The following F8 variants were observed in gnomAD, a reference collection of about 807,000 sequenced individuals.
F8 encodes the protein coagulation factor VIII.
A neutral mutation model predicts 140.6 loss-of-function variants in F8; 12 were observed. That is an observed-to-expected ratio of 0.09 (90% confidence interval 0.05 to 0.14). The LOEUF (loss-of-function observed/expected upper bound fraction) is 0.14, where lower values mean the gene tolerates loss of function less well. Ranked by LOEUF, F8 falls within the 10% of genes least tolerant of loss-of-function variation. The pLI is 1.00. For synonymous variants in F8, 585 were observed against 614.6 expected, an observed-to-expected ratio of 0.95 and a Z score of 0.71; for missense variants, 1,354 against 1,720.7, an observed-to-expected ratio of 0.79 and a Z score of 3.77.
At chrX:154,859,073 G>A (rs2072669996) in intron 25 of F8, among the ~76,000 whole-genome samples, 1 of 111,605 alleles carries the variant, frequency 9.0e-6, no homozygotes, top group Admixed American at 9.5e-5. Flanking sequence ...CCCCAAGTAA[G>A]AAAGTATTCT....
intron 13 of F8, among the ~76,000 whole-genome samples, chrX:154,934,907 T>C (rs1305151311): frequency 9.0e-6 from 1 of 111,707 alleles, no homozygotes; most frequent in Non-Finnish European, 1.9e-5. Flanking sequence ...CTCATACTGG[T>C]AATCCCAGCA....
chrX:154,976,010 C>T (rs1368352099), intron 6 of F8, among the ~76,000 whole-genome samples: 1 of 111,473 alleles, frequency 9.0e-6, no homozygotes, highest in Non-Finnish European at 1.9e-5. Context: ...ATTCTCCTGC[C>T]TCAGCCTCCC....
At chrX:154,946,992 G>A (rs1166195050) in intron 13 of F8, among the ~76,000 whole-genome samples, 1 of 110,588 alleles carries the variant, frequency 9.0e-6, no homozygotes, top group Non-Finnish European at 1.9e-5. Context: ...TTGGGAGGCC[G>A]AGGCGGGTGG....
At chrX:155,012,784 A>G (rs189703236) in intron 1 of F8, among the ~76,000 whole-genome samples, 3 of 111,025 alleles carry the variant, frequency 2.7e-5, no homozygotes, top group African/African-American at 6.5e-5. Context: ...ACATTTAAAA[A>G]AGAAATGATA....
chrX:154,911,411 G>A (rs868923664), intron 14 of F8, among the ~76,000 whole-genome samples: 34 of 107,956 alleles, frequency 3.1e-4, no homozygotes, highest in Admixed American at 5.0e-4. Context: ...CTCTATCTCC[G>A]TGAGATCCAC....
intron 12 of F8, among the ~76,000 whole-genome samples, chrX:154,952,566 C>T (rs1196162060): frequency 2.1e-5 from 2 of 95,465 alleles, no homozygotes; most frequent in Non-Finnish European, 4.1e-5. Flanking sequence ...TTTTTTGAAA[C>T]GGAGTCTCAC....
At chrX:154,874,351 T>C (rs186755637) in intron 22 of F8, among the ~76,000 whole-genome samples, 250 of 112,664 alleles carry the variant, frequency 2.2e-3, no homozygotes, top group Admixed American at 3.3e-3. Flanking sequence ...TATGACAGAA[T>C]ACCACAGACT....
At chrX:155,014,577 G>T (rs927803905) in intron 1 of F8, among the ~76,000 whole-genome samples, 1 of 112,436 alleles carries the variant, frequency 8.9e-6, no homozygotes, top group Non-Finnish European at 1.9e-5. Context: ...AAATTAACAA[G>T]ATTAGAGTGA....
At chrX:154,844,332 T>A (rs2072546419) in intron 25 of F8, among the ~76,000 whole-genome samples, 1 of 112,039 alleles carries the variant, frequency 8.9e-6, no homozygotes. Context: ...GTAAAGAAAG[T>A]CATTGGTAGC....
chrX:154,905,297 G>A, intron 15 of F8, among the ~76,000 whole-genome samples: 1 of 111,462 alleles, frequency 9.0e-6, no homozygotes, highest in Non-Finnish European at 1.9e-5. Flanking sequence ...AAGGGAAAAT[G>A]TTACTGCAGG....
chrX:155,017,865 C>G (rs1349898408), intron 1 of F8, among the ~76,000 whole-genome samples: 2 of 110,766 alleles, frequency 1.8e-5, no homozygotes, highest in East Asian at 2.8e-4. Flanking sequence ...ATGAGAGATA[C>G]TGCTTTTTTT....
chrX:154,952,394 G>GA (rs1557280800), intron 12 of F8, among the ~76,000 whole-genome samples: 2 of 111,782 alleles, frequency 1.8e-5, no homozygotes, highest in Non-Finnish European at 3.8e-5. Flanking sequence ...ACTATTACTA[G>GA]AAATTCAAGC....
intron 8 of F8, 107 bp downstream of exon 8, chrX:154,966,319 C>A (rs1010755861): frequency 1.9e-6 from 2 of 1,032,706 alleles, no homozygotes; most frequent in Non-Finnish European, 1.3e-6. Flanking sequence ...TGATTCCATA[C>A]CTGTACCTAA....
At chrX:154,943,144 C>T (rs1277559931) in intron 13 of F8, among the ~76,000 whole-genome samples, 1 of 111,815 alleles carries the variant, frequency 8.9e-6, no homozygotes, top group African/African-American at 3.3e-5. Flanking sequence ...TCCTATTCAA[C>T]ATAGTGTTGG....
chrX:154,998,926 C>T (rs1272850353), intron 2 of F8, among the ~76,000 whole-genome samples: 3 of 111,734 alleles, frequency 2.7e-5, no homozygotes, highest in East Asian at 5.6e-4. Context: ...AGTGGTTCTC[C>T]TGAAGCCTCC....
At position 154,966,035 on chromosome X, in the gene F8, C is replaced by T; in HGVS notation, c.1378G>A (p.Ala460Thr). The T allele has an allele frequency of 8.3e-7, 1 of 1,210,748 alleles. No homozygotes were observed. The highest frequency in any genetic ancestry group is 2.2e-5 in the Admixed American group (1 of 45,955). ...AAGATTCCTGATTCATGCTGAATAG[C>T]TTCACGAGTCTTAAAGGTTTCATCT... Reference protein sequence around the residue: ...YTDETFKTREAIQHESGILGP... With the variant: ...YTDETFKTRETIQHESGILGP... Residue 460 changes from alanine (A) to threonine (T), a missense_variant, in exon 9 of 26, where the codon GCT (alanine) becomes ACT (threonine). Coordinates refer to ENST00000360256, the MANE Select transcript of F8 (RefSeq NM_000132.4).
At chrX:154,898,894 CTATT>C (rs782303547) in intron 21 of F8, among the ~76,000 whole-genome samples, 2 of 111,681 alleles carry the variant, frequency 1.8e-5, no homozygotes, top group African/African-American at 6.5e-5. Flanking sequence ...ACAGGACACT[CTATT>C]TACTAGTCTT....
intron 9 of F8, among the ~76,000 whole-genome samples, chrX:154,962,877 G>C (rs2073402876): frequency 9.9e-6 from 1 of 101,438 alleles, no homozygotes; most frequent in African/African-American, 4.0e-5. Flanking sequence ...TCAAGAGAGA[G>C]AGAGAGAGAC....
At chrX:154,848,193 C>T (rs1557271903) in intron 25 of F8, among the ~76,000 whole-genome samples, 1 of 112,709 alleles carries the variant, frequency 8.9e-6, no homozygotes, top group African/African-American at 3.2e-5. Context: ...TCAGTCTGCC[C>T]CTACTGGGGC....
Sources: allele counts gnomAD v4.1 joint callset (sites outside exome capture counted in the v4.1 genomes callset), GRCh38; gene constraint gnomAD v4.1.1; transcripts MANE v1.5; gene names NCBI Gene and HGNC (gene_info 2026-07-23, HGNC 2026-07-21).